Variants in ATP2B3 observed in about 807,000 individuals in gnomAD.
ATP2B3 encodes plasma membrane calcium-transporting ATPase 3.
In ATP2B3, 12 loss-of-function variants were observed where a neutral mutation model predicts 70.8. That is an observed-to-expected ratio of 0.17 (90% CI 0.11 to 0.27). The LOEUF (loss-of-function observed/expected upper bound fraction) is 0.27, where lower values mean the gene tolerates loss of function less well. Among genes scored for constraint, ATP2B3 ranks in the 10% least tolerant of loss-of-function variants. The probability of loss-of-function intolerance (pLI) is 1.00; values close to 1 mark genes in which losing one functional copy is unlikely to be tolerated. For missense variants in ATP2B3, 858 were observed against 1,118.5 expected (o/e 0.77, Z 3.32); for synonymous variants, 460 against 497.8 (o/e 0.92, Z 1.01).
At chrX:153,571,038 A>ACT (rs1302647192) in intron 21 of ATP2B3, among the ~76,000 whole-genome samples, 25 of 101,917 alleles carry the variant, frequency 2.5e-4, no homozygotes, top group Admixed American at 2.4e-3. Flanking sequence ...ACACACACAC[A>ACT]CTCCTTCTCC....
intron 2 of ATP2B3, among the ~76,000 whole-genome samples, chrX:153,521,053 C>T (rs1178615407): frequency 8.8e-6 from 1 of 113,362 alleles, no homozygotes; most frequent in Non-Finnish European, 1.9e-5. Flanking sequence ...TAAATGGCAG[C>T]TGATAGATGG....
In ATP2B3 at chrX:153,523,033, C is replaced by T. The variant is rs781977445; in HGVS notation, c.-127+4482C>T. Among the ~76,000 whole-genome samples, 12 of 112,007 alleles carry T rather than the reference C, an allele frequency of 1.1e-4. No individual in the cohort carries two copies. The South Asian group carries it at 4.1e-3, about 38-fold the overall frequency. On this transcript the variant is annotated intron_variant, in intron 2 of 21. Transcript: ENST00000263519. ...CATGCAAATGTAAATCCAACATCTC[C>T]ATTTGATTCATTTCACATTGCTGTC...
chrX:153,538,147 G>A (rs1317375297), intron 3 of ATP2B3, among the ~76,000 whole-genome samples: 3 of 112,907 alleles, frequency 2.7e-5, no homozygotes, highest in South Asian at 3.6e-4. Context: ...CGGGTGACTC[G>A]CTCCCCGCAT....
At chrX:153,577,069 G>A (rs1214589994) in intron 21 of ATP2B3, among the ~76,000 whole-genome samples, 6 of 112,810 alleles carry the variant, frequency 5.3e-5, no homozygotes, top group Non-Finnish European at 1.1e-4. Context: ...CAGAATGTTG[G>A]GGGGCAGCCC....
At chrX:153,569,725 C>T in intron 21 of ATP2B3, 1 of 1,211,752 alleles carries the variant, frequency 8.3e-7, no homozygotes, top group Non-Finnish European at 1.1e-6. Flanking sequence ...ACGCAATTCT[C>T]TCTGCTGCCA....
chrX:153,553,908 C>A (rs2090496601), intron 13 of ATP2B3, among the ~76,000 whole-genome samples: 1 of 113,350 alleles, frequency 8.8e-6, no homozygotes. Flanking sequence ...TCTGTCTCCC[C>A]AGGGCCTCTG....
intron 13 of ATP2B3, among the ~76,000 whole-genome samples, chrX:153,554,486 G>T (rs1557012844): frequency 1.8e-5 from 2 of 112,706 alleles, no homozygotes; most frequent in Non-Finnish European, 3.8e-5. Context: ...GAGAGTCCAA[G>T]GGGTAGACCA....
chrX:153,518,974 C>T (rs2089917637), intron 2 of ATP2B3, among the ~76,000 whole-genome samples: 1 of 111,526 alleles, frequency 9.0e-6, no homozygotes. Context: ...AAACGTCAGC[C>T]GACTTCCCCT....
intron 8 of ATP2B3, among the ~76,000 whole-genome samples, chrX:153,547,195 G>A (rs948134160): frequency 1.8e-5 from 2 of 111,011 alleles, no homozygotes; most frequent in African/African-American, 6.6e-5. Context: ...GGAGGGAGAT[G>A]AGGAAGTGAC....
In ATP2B3 at chrX:153,565,045, G is replaced by A. The variant is rs782067205; in HGVS notation, c.3284G>A (p.Arg1095Gln). ...EGEEEIDHAE[R>Q]ELRRGQILWF... ...GAGGAAGAGATCGACCATGCCGAGC[G>A]GGAGCTCCGCAGGGGCCAGATCCTC... Residue 1095 changes from arginine to glutamine, a missense_variant, in exon 21 of 22, where the codon CGG becomes CAG. Around this residue, in one of 5 missense-constraint regions of ATP2B3, gnomAD observed 265 missense variants for 305.3 expected, o/e 0.87. Coordinates refer to ENST00000263519, the MANE Select transcript of ATP2B3 (RefSeq NM_001001344.3). 13 of 1,200,921 alleles carry A rather than the reference G, an allele frequency of 1.1e-5. No individual in the cohort carries two copies. The highest frequency in any genetic ancestry group is 3.6e-5 in the South Asian group (2 of 55,139).
chrX:153,536,082 CA>C (rs2090186564), intron 2 of ATP2B3, 39 bp from the exon 3 acceptor site: 2 of 523,459 alleles, frequency 3.8e-6, no homozygotes, highest in Non-Finnish European at 6.6e-6. Context: ...AGTTTTGTCT[CA>C]ACCACTCCCC....
intron 5 of ATP2B3, 31 bp from the exon 6 acceptor site, chrX:153,542,292 G>A: frequency 8.3e-7 from 1 of 1,209,317 alleles, no homozygotes; most frequent in Non-Finnish European, 1.1e-6. Context: ...GAGGCGGTGG[G>A]GAGAAAGGCC....
In ATP2B3 at chrX:153,556,345, G is replaced by T. The variant is rs1557013555; in HGVS notation, c.2253G>T (p.Arg751=). 7 of 1,207,280 alleles carry T rather than the reference G, an allele frequency of 5.8e-6. No individual in the cohort carries two copies. The Admixed American group carries it at 6.6e-5, about 11-fold the overall frequency. The change falls in exon 15 of 22, where the codon CGG becomes CGT. Residue 751 remains arginine (R), a synonymous_variant. Transcript: ENST00000263519. The part of the protein sequence containing the change: ...RNEKGEIEQE[R]LDKVWPKLRV... ...CCCCTCCCCAGATAGAACAGGAGCG[G>T]CTGGACAAGGTGTGGCCCAAGCTGA...
intron 21 of ATP2B3, among the ~76,000 whole-genome samples, 161 bp from the exon 22 acceptor site, chrX:153,579,817 G>A (rs1189377929): frequency 8.9e-6 from 1 of 111,874 alleles, no homozygotes; most frequent in Non-Finnish European, 1.9e-5. Context: ...CTCATGCCAT[G>A]ACCCCCAGCC....
chrX:153,547,731 T>C, intron 8 of ATP2B3, 104 bp from the exon 9 acceptor site: 2 of 964,267 alleles, frequency 2.1e-6, no homozygotes, highest in Non-Finnish European at 2.8e-6. Context: ...CTGAATCCCG[T>C]CTCCTCTCTA....
At chrX:153,528,080 C>A (rs190175576) in intron 2 of ATP2B3, among the ~76,000 whole-genome samples, 2 of 113,152 alleles carry the variant, frequency 1.8e-5, no homozygotes, top group Admixed American at 1.9e-4. Context: ...AAAGCCAGCA[C>A]CTGCACTCTG....
In ATP2B3 at chrX:153,580,202, C is replaced by T. The variant is rs1557022531; in HGVS notation, c.3567C>T (p.Gly1189=). The part of the protein sequence containing the change: ...PNQNNNAIDS[G]IYLTTHVTKS... ...AGAACAACAACGCCATAGACAGCGG[C>T]ATCTACCTGACCACGCATGTCACCA... The change falls in exon 22 of 22, where the codon GGC becomes GGT. Residue 1189 remains glycine, a synonymous_variant. Transcript: ENST00000263519. 8.3e-7 allele frequency: 1 copy of T among 1,208,006 alleles called. No individual in the cohort carries two copies. The highest frequency in any genetic ancestry group is 2.2e-5 in the Admixed American group (1 of 45,786).
chrX:153,549,375 C>CT lies in ATP2B3; in HGVS notation c.1339-120dup, dbSNP rs2090421862. 63 of 1,156,100 alleles carry CT rather than the reference C, an allele frequency of 5.4e-5. 1 individual carries two copies. In the South Asian group the frequency reaches 1.2e-3, roughly 21 times the overall value. ...CAGGGCTGACCAGGTGCCCAGTGGG[C>CT]TTAGTGCCACACGTGGAGCTAGCTG... On this transcript the variant is annotated intron_variant, in intron 10 of 21. Transcript: ENST00000263519.
At chrX:153,525,646 G>A (rs1418244608) in intron 2 of ATP2B3, among the ~76,000 whole-genome samples, 1 of 112,352 alleles carries the variant, frequency 8.9e-6, no homozygotes, top group Non-Finnish European at 1.9e-5. Context: ...TCTGGCTCCT[G>A]GGGTCTCTGG....
Sources: allele counts gnomAD v4.1 joint callset (sites outside exome capture counted in the v4.1 genomes callset), GRCh38; gene constraint gnomAD v4.1.1; regional missense constraint gnomAD v4.1.1; transcripts MANE v1.5; gene names NCBI Gene and HGNC (gene_info 2026-07-23, HGNC 2026-07-21).